The following PTTG1IP variants were observed in gnomAD, a reference collection of about 807,000 sequenced individuals.
PTTG1IP encodes PTTG1 interacting protein, also known as pituitary tumor-transforming gene 1 protein-interacting protein.
In PTTG1IP, 16 loss-of-function variants were observed where a neutral mutation model predicts 24.4. That is an observed-to-expected ratio of 0.66 (90% confidence interval 0.44 to 1.00). The LOEUF is 1.00. PTTG1IP is among the 50% of genes least tolerant of loss of function. PTTG1IP has a pLI of 0.00. For missense variants in PTTG1IP, 241 were observed against 245.8 expected, an observed-to-expected ratio of 0.98 and a Z score of 0.13; for synonymous variants, 89 against 96.8, an observed-to-expected ratio of 0.92 and a Z score of 0.47.
At chr21:44,871,795 C>T (rs2083588296) in intron 1 of PTTG1IP, among the ~76,000 whole-genome samples, 1 of 152,202 alleles carries the variant, frequency 6.6e-6, no homozygotes, top group Non-Finnish European at 1.5e-5. Flanking sequence ...GCCAACATGA[C>T]ACGGCACCAT....
chr21:44,867,592 C>T (rs1449612817), intron 1 of PTTG1IP, among the ~76,000 whole-genome samples: 2 of 152,264 alleles, frequency 1.3e-5, no homozygotes, highest in African/African-American at 4.8e-5. Context: ...ACTCTGGTCC[C>T]TGACAGGCAT....
chr21:44,870,148 G>C (rs1447795978), intron 1 of PTTG1IP, among the ~76,000 whole-genome samples: 1 of 152,136 alleles, frequency 6.6e-6, no homozygotes, highest in Non-Finnish European at 1.5e-5. Flanking sequence ...CTTTCAATAA[G>C]GGGGAAAACA....
chr21:44,865,042 G>C (rs1601254365), intron 2 of PTTG1IP, among the ~76,000 whole-genome samples: 1 of 152,132 alleles, frequency 6.6e-6, no homozygotes, highest in African/African-American at 2.4e-5. Flanking sequence ...GCTGCAGCCC[G>C]ACAGCCTGGG....
intron 1 of PTTG1IP, among the ~76,000 whole-genome samples, chr21:44,867,827 C>T (rs1601257715): frequency 6.6e-6 from 1 of 152,216 alleles, no homozygotes; most frequent in African/African-American, 2.4e-5. Context: ...AGAGCTTCAG[C>T]TTTAACTTAC....
At position 44,859,424 on chromosome 21, in the gene PTTG1IP, G is replaced by A. The variant is rs184836112; in HGVS notation, c.277+1739C>T. On this transcript the variant is annotated intron_variant, in intron 3 of 5. Transcript: ENST00000330938. ...GTGCATTATGTAGGCTATAAGCCGC[G>A]GTCCATGTAGGCACACACGTGTGCA... 1.9e-3 allele frequency among the ~76,000 whole-genome samples: 289 copies of A among 151,390 alleles called. 1 individual carries two copies. The highest frequency in any genetic ancestry group is 6.8e-3 in the Middle Eastern group (2 of 292).
At chr21:44,869,108 C>G (rs2083564898) in intron 1 of PTTG1IP, among the ~76,000 whole-genome samples, 1 of 152,210 alleles carries the variant, frequency 6.6e-6, no homozygotes, top group Non-Finnish European at 1.5e-5. Flanking sequence ...ACTGAGGGTC[C>G]TTCCACAAAT....
At chr21:44,864,545 C>T (rs1601253869) in intron 2 of PTTG1IP, among the ~76,000 whole-genome samples, 3 of 152,314 alleles carry the variant, frequency 2.0e-5, no homozygotes, top group South Asian at 2.1e-4. Context: ...TACAGGCACC[C>T]GCCACCACGC....
chr21:44,859,422 G>A (rs1007857678), intron 3 of PTTG1IP, among the ~76,000 whole-genome samples: 26 of 151,292 alleles, frequency 1.7e-4, no homozygotes, highest in South Asian at 2.1e-4. Context: ...GCTATAAGCC[G>A]CGGTCCATGT....
chr21:44,861,127 C>T (rs555793895), intron 3 of PTTG1IP, 36 bp downstream of exon 3: 29 of 1,565,166 alleles, frequency 1.9e-5, no homozygotes, highest in Middle Eastern at 1.7e-4. Flanking sequence ...AAAGAAGCAT[C>T]GATTTTGCAA....
intron 2 of PTTG1IP, among the ~76,000 whole-genome samples, chr21:44,864,802 C>G (rs1209669410): frequency 6.6e-6 from 1 of 152,190 alleles, no homozygotes; most frequent in Non-Finnish European, 1.5e-5. Flanking sequence ...GGGAAGGCAC[C>G]CCGGGGAGTC....
Position 44,861,055 on chromosome 21 carries a change from G to A in PTTG1IP, c.277+108C>T, listed in dbSNP as rs143698310. On this transcript the variant is annotated intron_variant, in intron 3 of 5. Transcript: ENST00000330938. The stretch of plus-strand genomic sequence containing the variant: ...CTGACCTCTTGATCCACCCGCCTCC[G>A]CCTCCCAAAGTGCTGGGATTACAGA... 1,594 of 836,160 alleles carry A rather than the reference G, an allele frequency of 1.9e-3. 13 individuals are homozygous for A. Among genetic ancestry groups the A allele is most frequent in the South Asian group, 0.012 (745 of 60,018 alleles). 51.8% of individuals were successfully genotyped at this position (836,160 alleles called of 1,614,324 possible). A position where few individuals can be genotyped will look rare whatever the true frequency, so the allele number is the denominator to read the frequency against.
intron 2 of PTTG1IP, chr21:44,861,941 A>G (rs2083495210): frequency 7.3e-6 from 5 of 688,510 alleles, no homozygotes; most frequent in Non-Finnish European, 1.3e-5. Context: ...ACTAAGTCGC[A>G]CAGCTTGAAA....
At chr21:44,870,135 G>A (rs761250013) in intron 1 of PTTG1IP, among the ~76,000 whole-genome samples, 17 of 152,112 alleles carry the variant, frequency 1.1e-4, no homozygotes, top group Non-Finnish European at 1.8e-4. Context: ...AGAACAGAGC[G>A]GGCTTTCAAT....
At chr21:44,870,386 C>T (rs28637887) in intron 1 of PTTG1IP, among the ~76,000 whole-genome samples, 10,260 of 151,870 alleles carry the variant, frequency 0.068, 1,173 homozygotes, top group African/African-American at 0.23. Context: ...ACTAAAAATA[C>T]GAAAATTAGC....
At chr21:44,853,814 A>G (rs970403704) in intron 5 of PTTG1IP, among the ~76,000 whole-genome samples, 1 of 152,200 alleles carries the variant, frequency 6.6e-6, no homozygotes, top group Non-Finnish European at 1.5e-5. Flanking sequence ...GGCACTCAGG[A>G]GACTGATGGG....
At chr21:44,865,697 A>C in intron 1 of PTTG1IP, 1 of 586,654 alleles carries the variant, frequency 1.7e-6, no homozygotes, top group Non-Finnish European at 3.1e-6. Context: ...CCTATCCACA[A>C]GGGCTCTTCT....
chr21:44,864,699 G>A (rs969432097), intron 2 of PTTG1IP, among the ~76,000 whole-genome samples: 1 of 152,174 alleles, frequency 6.6e-6, no homozygotes, highest in Non-Finnish European at 1.5e-5. Context: ...ACCCAGCCCT[G>A]TTCACACGTC....
In PTTG1IP at chr21:44,856,274, C is replaced by G. The variant is rs552229746; in HGVS notation, c.368G>C (p.Arg123Thr). 3 of 1,614,188 alleles carry G rather than the reference C, an allele frequency of 1.9e-6. No individual in the cohort carries two copies. In the South Asian group the frequency reaches 3.3e-5, roughly 18 times the overall value. The change falls in exon 4 of 6, where the codon AGG becomes ACG. Residue 123 changes from arginine (R) to threonine (T), a missense_variant. Physicochemically the swap from Arg to Thr is moderately conservative, Grantham distance 71. Transcript: ENST00000330938. The part of the protein sequence containing the change: ...IAICCCCCCR[R>T]KRSRKPDRSE... ...CCTGTCCGGCTTCCGGCTCCTCTTCCTCCTGCAGCAGCAGCAGCAGCAGAT... is the reference window on the plus strand; with the variant it reads ...CCTGTCCGGCTTCCGGCTCCTCTTCGTCCTGCAGCAGCAGCAGCAGCAGAT...
At chr21:44,866,733 G>A (rs997628692) in intron 1 of PTTG1IP, among the ~76,000 whole-genome samples, 2 of 151,722 alleles carry the variant, frequency 1.3e-5, no homozygotes, top group East Asian at 1.9e-4. Context: ...AAAGAGCTCT[G>A]TGCTCATCAC....
Sources: gnomAD v4.1 joint callset for allele counts (sites outside exome capture counted in the v4.1 genomes callset) on GRCh38, gnomAD v4.1.1 for gene constraint, MANE v1.5 for transcripts, NCBI Gene and HGNC (gene_info 2026-07-23, HGNC 2026-07-21) for gene names.